PPFIBP1: variants seen among roughly 807,000 people sequenced by gnomAD.
PPFIBP1 encodes the protein PPFIB scaffold protein 1, also known as liprin-beta-1.
A neutral mutation model predicts 137.8 loss-of-function variants in PPFIBP1; 112 were observed. The ratio of observed to expected loss-of-function variants is 0.81; its 90% CI spans 0.70 to 0.95. PPFIBP1 has a LOEUF of 0.95. PPFIBP1 is among the 40% of genes least tolerant of loss of function. The pLI is 0.00. For synonymous variants in PPFIBP1, 378 were observed against 417.3 expected, an observed-to-expected ratio of 0.91 and a Z score of 1.15; for missense variants, 1,083 against 1,196.6, an observed-to-expected ratio of 0.91 and a Z score of 1.40.
At chr12:27,637,566 C>A (rs1039755726) in intron 4 of PPFIBP1, among the ~76,000 whole-genome samples, 2 of 152,110 alleles carry the variant, frequency 1.3e-5, no homozygotes, top group African/African-American at 4.8e-5. Context: ...ATCCATCTAA[C>A]TTATCTATAT....
intron 2 of PPFIBP1, among the ~76,000 whole-genome samples, chr12:27,622,761 G>A (rs2056453717): frequency 6.6e-6 from 1 of 152,158 alleles, no homozygotes. Flanking sequence ...AATATTTGTT[G>A]CAGGTATGTG....
chr12:27,632,675 C>G (rs2057345075), intron 2 of PPFIBP1, among the ~76,000 whole-genome samples: 1 of 152,004 alleles, frequency 6.6e-6, no homozygotes, highest in Non-Finnish European at 1.5e-5. Context: ...TGCTGTGTTT[C>G]CATGCAAAAA....
intron 4 of PPFIBP1, among the ~76,000 whole-genome samples, chr12:27,641,318 C>T (rs2058090521): frequency 6.6e-6 from 1 of 152,090 alleles, no homozygotes; most frequent in Non-Finnish European, 1.5e-5. Context: ...GACAGGACAG[C>T]AGAGCTCAGG....
intron 4 of PPFIBP1, chr12:27,636,269 A>G (rs2057667212): frequency 1.5e-5 from 1 of 65,858 alleles, no homozygotes; most frequent in Non-Finnish European, 3.5e-5. Context: ...GAGTTATTTT[A>G]CTTGTTAAAA....
chr12:27,672,439 A>G lies in PPFIBP1; in HGVS notation c.1275A>G (p.Ile425Met). 2.5e-6 allele frequency: 4 copies of G among 1,607,942 alleles called. No individual in the cohort carries two copies. Among genetic ancestry groups the G allele is most frequent in the Non-Finnish European group, 3.4e-6 (4 of 1,174,912 alleles). Residue 425 changes from isoleucine to methionine, a missense_variant, in exon 15 of 30, where the codon ATA becomes ATG. Physicochemically the swap from Ile to Met is conservative, Grantham distance 10. Coordinates refer to ENST00000228425, the MANE Select transcript of PPFIBP1 (RefSeq NM_003622.4). The stretch of plus-strand genomic sequence containing the variant: ...CTTTACATTTTAGTGATGGAAACAT[A>G]ATCCTTGGTGCCACTGTTGATACCC... Reference protein sequence around the residue: ...ETSFEENDGNIILGATVDTQL... With the variant: ...ETSFEENDGNMILGATVDTQL...
chr12:27,587,747 CTCTG>C (rs932297594), intron 2 of PPFIBP1, among the ~76,000 whole-genome samples: 4 of 150,920 alleles, frequency 2.7e-5, no homozygotes, highest in Non-Finnish European at 5.9e-5. Flanking sequence ...TTTGTTTTCT[CTCTG>C]TCTTTTTTTT....
At chr12:27,527,890 C>T (rs759934534) in intron 1 of PPFIBP1, among the ~76,000 whole-genome samples, 1 of 152,002 alleles carries the variant, frequency 6.6e-6, no homozygotes, top group Admixed American at 6.6e-5. Flanking sequence ...TTTAAATATG[C>T]GAGTCAAAGC....
chr12:27,577,675 A>T (rs1008331325), intron 1 of PPFIBP1, among the ~76,000 whole-genome samples: 4 of 152,230 alleles, frequency 2.6e-5, no homozygotes, highest in African/African-American at 7.2e-5. Context: ...AGTCTGAAAA[A>T]TAGTGTATGT....
chr12:27,534,835 C>T (rs1264338993), intron 1 of PPFIBP1, among the ~76,000 whole-genome samples: 1 of 152,208 alleles, frequency 6.6e-6, no homozygotes, highest in Non-Finnish European at 1.5e-5. Context: ...CTCTGATCTT[C>T]AGTTTACTTA....
chr12:27,616,098 T>G (rs2055720223), intron 2 of PPFIBP1, among the ~76,000 whole-genome samples: 1 of 152,090 alleles, frequency 6.6e-6, no homozygotes, highest in South Asian at 2.1e-4. Flanking sequence ...CCGTTCTCAA[T>G]TCTTTTCCCT....
intron 7 of PPFIBP1, among the ~76,000 whole-genome samples, chr12:27,653,979 C>G (rs1040805881): frequency 1.2e-4 from 19 of 152,142 alleles, no homozygotes; most frequent in African/African-American, 4.3e-4. Context: ...CCCTGATAAT[C>G]TCCTAATAAA....
chr12:27,600,560 G>GA (rs549302860), intron 2 of PPFIBP1, among the ~76,000 whole-genome samples: 14 of 145,434 alleles, frequency 9.6e-5, no homozygotes, highest in South Asian at 2.2e-4. Context: ...TTGTATCTTT[G>GA]AAAAAAAAAA....
chr12:27,576,155 CCG>C, intron 1 of PPFIBP1, among the ~76,000 whole-genome samples: 1 of 152,100 alleles, frequency 6.6e-6, no homozygotes. Context: ...CCATCCCCCA[CCG>C]CTTTTTTTTT....
chr12:27,561,197 G>A (rs2049134251), intron 1 of PPFIBP1, among the ~76,000 whole-genome samples: 3 of 152,154 alleles, frequency 2.0e-5, no homozygotes, highest in African/African-American at 7.2e-5. Context: ...CTAGAGATAA[G>A]CAAGTTTGTT....
At position 27,641,260 on chromosome 12, in the gene PPFIBP1, T is replaced by G. The variant is rs529892620; in HGVS notation, c.271-4802T>G. Among the ~76,000 whole-genome samples, 3 of 152,342 alleles carry G rather than the reference T, an allele frequency of 2.0e-5. No individual in the cohort carries two copies. The East Asian group carries it at 5.8e-4, about 29-fold the overall frequency. On this transcript the variant is annotated intron_variant, in intron 4 of 29. Coordinates refer to ENST00000228425, the MANE Select transcript of PPFIBP1 (RefSeq NM_003622.4). The stretch of plus-strand genomic sequence containing the variant: ...ATTAGTTTCTGTTTTATAAAATAAA[T>G]AAGCATTATTGTGGCAAATCACTGC...
At chr12:27,664,829 C>G (rs1175400900) in intron 12 of PPFIBP1, among the ~76,000 whole-genome samples, 1 of 152,140 alleles carries the variant, frequency 6.6e-6, no homozygotes, top group Admixed American at 6.5e-5. Flanking sequence ...TGAGCAACCT[C>G]TGGTAGCGCA....
intron 4 of PPFIBP1, among the ~76,000 whole-genome samples, chr12:27,645,447 T>TA (rs1491237781): frequency 1.4e-5 from 2 of 143,762 alleles, no homozygotes; most frequent in South Asian, 2.2e-4. Context: ...GATTTTTTTT[T>TA]AAAAAAGTGT....
chr12:27,599,124 G>A (rs982301675), intron 2 of PPFIBP1, among the ~76,000 whole-genome samples: 3 of 152,206 alleles, frequency 2.0e-5, no homozygotes, highest in East Asian at 1.9e-4. Context: ...TTAATTTTAT[G>A]TTTCATCTTG....
At chr12:27,629,088 G>T (rs7358745) in intron 2 of PPFIBP1, among the ~76,000 whole-genome samples, 1 of 152,030 alleles carries the variant, frequency 6.6e-6, no homozygotes, top group Non-Finnish European at 1.5e-5. Flanking sequence ...AGTTGGGCTG[G>T]CATGCATGGA....
Sources: gnomAD v4.1 joint callset for allele counts (sites outside exome capture counted in the v4.1 genomes callset) on GRCh38, gnomAD v4.1.1 for gene constraint, MANE v1.5 for transcripts, NCBI Gene and HGNC (gene_info 2026-07-23, HGNC 2026-07-21) for gene names.